Variants in WWOX observed in about 807,000 individuals in gnomAD.
WWOX encodes the protein WW domain containing oxidoreductase.
WWOX carries 69 observed loss-of-function variants against 46.2 expected under a neutral mutation model. The ratio of observed to expected loss-of-function variants is 1.49; its 90% CI spans 1.23 to 1.82. WWOX has a LOEUF of 1.82. Ranked by LOEUF, WWOX falls within the 40% of genes most tolerant of loss-of-function variation. The pLI is 0.00. For synonymous variants in WWOX, 359 were observed against 202.6 expected (o/e 1.77, Z -6.56); for missense variants, 919 against 542.6 (o/e 1.69, Z -6.89).
intron 8 of WWOX, among the ~76,000 whole-genome samples, chr16:78,633,572 T>G (rs2046492403): frequency 6.6e-6 from 1 of 152,198 alleles, no homozygotes; most frequent in Non-Finnish European, 1.5e-5. Flanking sequence ...TTCTGATGAG[T>G]ACGCTGGCAG....
intron 5 of WWOX, among the ~76,000 whole-genome samples, chr16:78,365,509 G>A (rs1375270602): frequency 6.6e-6 from 1 of 152,228 alleles, no homozygotes; most frequent in East Asian, 1.9e-4. Flanking sequence ...CTTCAATAAT[G>A]ACAAAAAGAT....
intron 8 of WWOX, among the ~76,000 whole-genome samples, chr16:78,659,500 G>A (rs1228906242): frequency 1.3e-5 from 2 of 152,038 alleles, no homozygotes; most frequent in Admixed American, 6.5e-5. Context: ...GGATTCTGTG[G>A]TGCCTAAAGT....
At chr16:78,834,087 C>T (rs906447594) in intron 8 of WWOX, among the ~76,000 whole-genome samples, 9 of 152,246 alleles carry the variant, frequency 5.9e-5, no homozygotes, top group Non-Finnish European at 1.3e-4. Flanking sequence ...CCAAGTCCAG[C>T]TGTCGAACGT....
chr16:78,764,021 G>T (rs1030748103), intron 8 of WWOX, among the ~76,000 whole-genome samples: 1 of 152,156 alleles, frequency 6.6e-6, no homozygotes, highest in Non-Finnish European at 1.5e-5. Context: ...ATCATGCTTG[G>T]AGTGGCACCA....
At position 78,235,120 on chromosome 16, in the gene WWOX, A is replaced by G. The variant is rs2037392892; in HGVS notation, c.516+70831A>G. Among the ~76,000 whole-genome samples the G allele has an allele frequency of 2.0e-5, 3 of 152,150 alleles. No homozygotes were observed. The South Asian group carries it at 6.2e-4, about 32-fold the overall frequency. ...ATGTTAATGGAGGGAAATATCATAA[A>G]TAATTAAGAATTTAAAATTATTATA... is the stretch of plus-strand genomic sequence containing the variant. On this transcript the variant is annotated intron_variant, in intron 5 of 8. Transcript: ENST00000566780.
At chr16:79,018,086 A>T (rs1046603793) in intron 8 of WWOX, among the ~76,000 whole-genome samples, 1 of 152,254 alleles carries the variant, frequency 6.6e-6, no homozygotes, top group Non-Finnish European at 1.5e-5. Flanking sequence ...TCTCGGACCT[A>T]TGAGCAAAAG....
intron 5 of WWOX, among the ~76,000 whole-genome samples, chr16:78,261,778 ATCTATCTATC>A (rs1321406268): frequency 1.7e-3 from 76 of 43,700 alleles, no homozygotes; most frequent in Middle Eastern, 0.028. Context: ...CTATGTATCT[ATCTATCTATC>A]TATATATATA....
chr16:78,608,371 A>T (rs374520967), intron 8 of WWOX, among the ~76,000 whole-genome samples: 1 of 152,158 alleles, frequency 6.6e-6, no homozygotes, highest in Non-Finnish European at 1.5e-5. Flanking sequence ...ACCAGATTGC[A>T]AGTCTGTTTG....
At chr16:78,693,488 T>A (rs2048034034) in intron 8 of WWOX, among the ~76,000 whole-genome samples, 1 of 152,134 alleles carries the variant, frequency 6.6e-6, no homozygotes, top group Non-Finnish European at 1.5e-5. Flanking sequence ...TCCCTAACCA[T>A]GATAATACAA....
intron 6 of WWOX, among the ~76,000 whole-genome samples, chr16:78,407,816 T>G (rs998906844): frequency 3.3e-5 from 5 of 152,214 alleles, no homozygotes; most frequent in Admixed American, 3.3e-4. Context: ...TAAAAAAGTT[T>G]TACTTCTTAC....
rs1567578959 is a variant in WWOX at position 78,115,064 on chromosome 16, T to TAA, written c.320_321insAA (p.Tyr107Ter). 1.2e-6 allele frequency: 2 copies of TAA among 1,614,186 alleles called. No individual in the cohort carries two copies. Among genetic ancestry groups the TAA allele is most frequent in the Non-Finnish European group, 8.5e-7 (1 of 1,180,030 alleles). ...NPTKPTTRQR[Y>*]DGSTTAMEIL... Reference sequence around the variant, plus strand: ...GACCAAGCCAACCACCCGGCAAAGATACGACGGCAGCACCACTGCCATGGA... The same window carrying TAA: ...GACCAAGCCAACCACCCGGCAAAGATAAACGACGGCAGCACCACTGCCATGGA... The change falls in exon 4 of 9, where the codon TAC becomes TAAAC. Residue 107 changes from tyrosine to a stop codon, truncating the protein, a stop_gained and frameshift_variant. Transcript: ENST00000566780. LOFTEE classifies it high-confidence loss of function.
At chr16:79,070,267 GAT>G (rs1567529147) in intron 8 of WWOX, among the ~76,000 whole-genome samples, 1 of 112,170 alleles carries the variant, frequency 8.9e-6, no homozygotes, top group African/African-American at 3.8e-5. Context: ...ATGTGTTTCT[GAT>G]GTGTGTGTGT....
At chr16:78,771,489 G>A (rs536351281) in intron 8 of WWOX, among the ~76,000 whole-genome samples, 1 of 152,254 alleles carries the variant, frequency 6.6e-6, no homozygotes, top group South Asian at 2.1e-4. Flanking sequence ...TGCTTAAAAT[G>A]CGCTGGGTGC....
intron 3 of WWOX, among the ~76,000 whole-genome samples, chr16:78,112,465 G>A (rs2032545823): frequency 6.6e-6 from 1 of 152,086 alleles, no homozygotes; most frequent in South Asian, 2.1e-4. Flanking sequence ...GTGCAAAACT[G>A]ATATTGAGAG....
At chr16:78,997,372 G>T (rs978969997) in intron 8 of WWOX, among the ~76,000 whole-genome samples, 2 of 152,110 alleles carry the variant, frequency 1.3e-5, no homozygotes, top group Non-Finnish European at 2.9e-5. Context: ...CGTGGCTTGG[G>T]TCTGTTTCTA....
At chr16:78,554,180 G>A (rs988898747) in intron 8 of WWOX, among the ~76,000 whole-genome samples, 3 of 152,158 alleles carry the variant, frequency 2.0e-5, no homozygotes, top group African/African-American at 4.8e-5. Context: ...TAAGGCAGTA[G>A]CACTAGAGCA....
chr16:79,086,275 A>T (rs114722338), intron 8 of WWOX, among the ~76,000 whole-genome samples: 36 of 152,206 alleles, frequency 2.4e-4, no homozygotes, highest in African/African-American at 8.2e-4. Context: ...CATCCTTCCA[A>T]TTGTTAAGTT....
chr16:78,521,874 TAGGAG>T (rs1597207047), intron 8 of WWOX, among the ~76,000 whole-genome samples: 1 of 152,092 alleles, frequency 6.6e-6, no homozygotes, highest in African/African-American at 2.4e-5. Flanking sequence ...GGGTGGCTCA[TAGGAG>T]AAGGAGGATA....
chr16:78,845,653 G>C (rs1273644437), intron 8 of WWOX, among the ~76,000 whole-genome samples: 1 of 152,178 alleles, frequency 6.6e-6, no homozygotes, highest in South Asian at 2.1e-4. Flanking sequence ...ATAACTCCAA[G>C]CTATGATTAA....
Sources: allele counts gnomAD v4.1 joint callset (sites outside exome capture counted in the v4.1 genomes callset), GRCh38; gene constraint gnomAD v4.1.1; transcripts MANE v1.5; gene names NCBI Gene and HGNC (gene_info 2026-07-23, HGNC 2026-07-21).